The following PDE1A variants were observed in gnomAD, a reference collection of about 807,000 sequenced individuals.
PDE1A encodes phosphodiesterase 1A.
Under a neutral mutation model 61.7 loss-of-function variants are expected in PDE1A, and 35 were observed. That is an observed-to-expected ratio of 0.57 (90% CI 0.43 to 0.75). The LOEUF is 0.75. Among genes scored for constraint, PDE1A ranks in the 30% least tolerant of loss-of-function variants. PDE1A has a pLI of 0.00. For synonymous variants in PDE1A, 232 were observed against 213.2 expected (o/e 1.09, Z -0.77); for missense variants, 597 against 630.6 (o/e 0.95, Z 0.57).
chr2:182,151,389 G>A (rs890686607), intron 13 of PDE1A, among the ~76,000 whole-genome samples: 4 of 152,158 alleles, frequency 2.6e-5, no homozygotes, highest in African/African-American at 7.2e-5. Context: ...ACAGGTGTGA[G>A]CCACCACGCC....
At chr2:182,657,216 C>T in the PDE1A span, among the ~76,000 whole-genome samples, 2 of 151,808 alleles carry the variant, frequency 1.3e-5, no homozygotes, top group East Asian at 1.9e-4. Context: ...ATCGAGACTC[C>T]GTCTCAAAAA....
intron 1 of PDE1A, among the ~76,000 whole-genome samples, chr2:182,290,476 G>A (rs983477045): frequency 6.6e-6 from 1 of 151,958 alleles, no homozygotes; most frequent in African/African-American, 2.4e-5. Context: ...AGAACTAGTG[G>A]TAACTTTGGT....
intron 2 of PDE1A, among the ~76,000 whole-genome samples, chr2:182,462,097 T>A (rs534171281): frequency 1.0e-3 from 152 of 152,046 alleles, no homozygotes; most frequent in African/African-American, 3.5e-3. Context: ...TAGGTGGGAA[T>A]TGAACAATGA....
At chr2:182,418,931 G>A (rs1021966863) in intron 1 of PDE1A, among the ~76,000 whole-genome samples, 3 of 152,130 alleles carry the variant, frequency 2.0e-5, no homozygotes, top group African/African-American at 4.8e-5. Flanking sequence ...GCTGACCCAC[G>A]GGCGCAGATC....
intron 11 of PDE1A, 131 bp from the exon 12 acceptor site, chr2:182,186,719 G>T: frequency 1.2e-6 from 1 of 812,342 alleles, no homozygotes; most frequent in Non-Finnish European, 1.9e-6. Context: ...TATTGGTTCT[G>T]CTTACCCTTT....
At chr2:182,460,179 T>C (rs911193601) in intron 2 of PDE1A, among the ~76,000 whole-genome samples, 1 of 152,122 alleles carries the variant, frequency 6.6e-6, no homozygotes, top group African/African-American at 2.4e-5. Flanking sequence ...AATCCAACTA[T>C]TGTTATCTTT....
chr2:182,648,511 C>CAAA, the PDE1A span, among the ~76,000 whole-genome samples: 20 of 76,204 alleles, frequency 2.6e-4, no homozygotes, highest in African/African-American at 5.3e-4. Context: ...CCTGTCCCCA[C>CAAA]AAAAAAAAAA....
chr2:182,420,460 T>A (rs138135436), intron 1 of PDE1A, among the ~76,000 whole-genome samples: 4 of 152,154 alleles, frequency 2.6e-5, no homozygotes, highest in African/African-American at 9.7e-5. Context: ...TTCATTACCA[T>A]TGGTTTCTAA....
At chr2:182,194,168 T>G (rs1008249274) in intron 10 of PDE1A, among the ~76,000 whole-genome samples, 6 of 152,130 alleles carry the variant, frequency 3.9e-5, no homozygotes, top group Non-Finnish European at 8.8e-5. Context: ...TAGATTTTTT[T>G]CATGTGTCAC....
intron 13 of PDE1A, among the ~76,000 whole-genome samples, chr2:182,176,017 G>T (rs1356759077): frequency 2.0e-5 from 3 of 148,474 alleles, no homozygotes; most frequent in Non-Finnish European, 4.4e-5. Context: ...TTATTTCTGA[G>T]GGCTGTGTTC....
At chr2:182,347,190 C>G (rs1698569935) in intron 1 of PDE1A, among the ~76,000 whole-genome samples, 1 of 151,852 alleles carries the variant, frequency 6.6e-6, no homozygotes, top group African/African-American at 2.4e-5. Flanking sequence ...GATTTAAATC[C>G]TGATCAGAAA....
At chr2:182,212,341 A>G (rs1480817425) in intron 7 of PDE1A, among the ~76,000 whole-genome samples, 3 of 152,048 alleles carry the variant, frequency 2.0e-5, no homozygotes, top group Non-Finnish European at 4.4e-5. Flanking sequence ...TTCACAATTT[A>G]CCATTTTTTG....
chr2:182,167,384 G>C (rs1217578153), downstream of PDE1A, among the ~76,000 whole-genome samples: 1 of 152,106 alleles, frequency 6.6e-6, no homozygotes, highest in Non-Finnish European at 1.5e-5. Context: ...CACAAACTTT[G>C]TATCCTATGT....
the PDE1A span, among the ~76,000 whole-genome samples, chr2:182,645,961 G>A: frequency 5.3e-5 from 8 of 152,156 alleles, no homozygotes; most frequent in African/African-American, 1.2e-4. Context: ...TGAGTGATTC[G>A]TATCCTCCCC....
chr2:182,428,388 A>G (rs1703744897), upstream of PDE1A, among the ~76,000 whole-genome samples: 1 of 152,134 alleles, frequency 6.6e-6, no homozygotes. Context: ...TTCAAAAACT[A>G]CACACTTATT....
chr2:182,534,876 T>G, the PDE1A span, among the ~76,000 whole-genome samples: 1 of 152,038 alleles, frequency 6.6e-6, no homozygotes, highest in African/African-American at 2.4e-5. Context: ...CCAACACGTA[T>G]TGACCCAAAT....
the PDE1A span, among the ~76,000 whole-genome samples, chr2:182,716,738 A>C: frequency 6.6e-6 from 1 of 152,258 alleles, no homozygotes; most frequent in Admixed American, 6.5e-5. Context: ...AGCAACACTT[A>C]ACAGCCCTGT....
intron 1 of PDE1A, among the ~76,000 whole-genome samples, chr2:182,392,700 C>T (rs1201100470): frequency 1.3e-5 from 2 of 152,248 alleles, no homozygotes; most frequent in African/African-American, 4.8e-5. Flanking sequence ...TGGGTAAATA[C>T]ACCTATACCA....
At chr2:182,623,864 G>T in the PDE1A span, among the ~76,000 whole-genome samples, 40 of 152,212 alleles carry the variant, frequency 2.6e-4, no homozygotes, top group Admixed American at 2.6e-3. Flanking sequence ...GGTGGCTCAC[G>T]CCTGTAACCC....
Sources: allele counts gnomAD v4.1 joint callset (sites outside exome capture counted in the v4.1 genomes callset), GRCh38; gene constraint gnomAD v4.1.1; transcripts MANE v1.5; gene names NCBI Gene and HGNC (gene_info 2026-07-23, HGNC 2026-07-21).